Variants in MAP2K4 observed in about 807,000 individuals in gnomAD.
MAP2K4 encodes the protein mitogen-activated protein kinase kinase 4.
Under a neutral mutation model 48.5 loss-of-function variants are expected in MAP2K4, and 4 were observed. The observed-to-expected ratio is 0.08, with a 90% CI of 0.04 to 0.19. The LOEUF (loss-of-function observed/expected upper bound fraction) is 0.19, where lower values mean the gene tolerates loss of function less well. MAP2K4 is among the 10% of genes least tolerant of loss of function. The pLI, the probability that MAP2K4 is intolerant of heterozygous loss-of-function variation, is 1.00. For missense variants in MAP2K4, 258 were observed against 493.3 expected, an observed-to-expected ratio of 0.52 and a Z score of 4.52; for synonymous variants, 166 against 173.1, an observed-to-expected ratio of 0.96 and a Z score of 0.32.
At chr17:12,052,057 C>T (rs1970158617) in intron 1 of MAP2K4, among the ~76,000 whole-genome samples, 1 of 152,082 alleles carries the variant, frequency 6.6e-6, no homozygotes, top group Non-Finnish European at 1.5e-5. Context: ...CTCCTCAAAA[C>T]TGCCTTTCAA....
Position 12,081,581 on chromosome 17 carries a change from T to C in MAP2K4, c.393+51T>C. ...GTACTTTAATCCATTAGGTGAAATT[T>C]CATGGTGCAGTAATACCACTGTTGT... On this transcript the variant is annotated intron_variant, in intron 3 of 10. Coordinates refer to ENST00000353533, the MANE Select transcript of MAP2K4 (RefSeq NM_003010.4). This position sits in a 1 kb window ranked among gnomAD's most constrained non-coding sequence, Gnocchi z 4.2. 1 of 1,568,042 alleles carries C rather than the reference T, an allele frequency of 6.4e-7. No individual in the cohort carries two copies. The highest frequency in any genetic ancestry group is 8.7e-7 in the Non-Finnish European group (1 of 1,145,042).
intron 3 of MAP2K4, among the ~76,000 whole-genome samples, chr17:12,082,280 T>C (rs560698190): frequency 6.6e-6 from 1 of 152,310 alleles, no homozygotes; most frequent in East Asian, 1.9e-4. Flanking sequence ...TTTGTTTGTT[T>C]AGATGTTTAA....
chr17:12,116,438 TAATA>T lies in MAP2K4; in HGVS notation c.813+3082_813+3085del, dbSNP rs144746206. The stretch of plus-strand genomic sequence containing the variant: ...CATTTATAAAAATTTTTTTCTTCAG[TAATA>T]AATTAACCTGAGTGTACTGTAACTT... On this transcript the variant is annotated intron_variant, in intron 7 of 10. Transcript: ENST00000353533. Among the ~76,000 whole-genome samples, 1,039 of 152,284 alleles carry T rather than the reference TAATA, an allele frequency of 6.8e-3. 15 individuals are homozygous for T. The highest frequency in any genetic ancestry group is 0.024 in the African/African-American group (986 of 41,542).
At chr17:12,064,111 T>G (rs899220383) in intron 2 of MAP2K4, among the ~76,000 whole-genome samples, 3 of 152,054 alleles carry the variant, frequency 2.0e-5, no homozygotes, top group Admixed American at 6.5e-5. Flanking sequence ...GTATATATAA[T>G]AAACCAAAAC....
chr17:12,059,292 A>T (rs1224119805), intron 2 of MAP2K4, among the ~76,000 whole-genome samples: 2 of 152,180 alleles, frequency 1.3e-5, no homozygotes, highest in African/African-American at 4.8e-5. Context: ...AAACACTATA[A>T]ATCTTTTTGA....
chr17:12,112,331 C>T (rs187404349), intron 6 of MAP2K4, among the ~76,000 whole-genome samples: 149 of 152,068 alleles, frequency 9.8e-4, no homozygotes, highest in Non-Finnish European at 1.9e-3. Context: ...GGTGTGGTGG[C>T]GCATGCCTGT....
chr17:12,138,222 A>G (rs1357382762), intron 9 of MAP2K4, among the ~76,000 whole-genome samples: 1 of 150,734 alleles, frequency 6.6e-6, no homozygotes, highest in Non-Finnish European at 1.5e-5. Context: ...TGATCCTTGA[A>G]TGGTGTGGAG....
chr17:12,037,683 G>A (rs891706096), intron 1 of MAP2K4, among the ~76,000 whole-genome samples: 8 of 152,166 alleles, frequency 5.3e-5, no homozygotes, highest in East Asian at 1.9e-4. Context: ...AGGATTAGCC[G>A]TAAGCCAGAC....
intron 8 of MAP2K4, among the ~76,000 whole-genome samples, chr17:12,126,598 T>G (rs1179614816): frequency 3.3e-5 from 5 of 152,138 alleles, no homozygotes; most frequent in Non-Finnish European, 7.4e-5. Flanking sequence ...GGGCACTAAT[T>G]AGATTAATGA....
At chr17:12,043,548 C>A (rs1464349781) in intron 1 of MAP2K4, among the ~76,000 whole-genome samples, 2 of 152,020 alleles carry the variant, frequency 1.3e-5, no homozygotes, top group Non-Finnish European at 2.9e-5. Flanking sequence ...TTTGGGGGTT[C>A]CCATTATCAA....
intron 1 of MAP2K4, among the ~76,000 whole-genome samples, chr17:12,052,708 TCA>T (rs1177494096): frequency 5.9e-5 from 9 of 152,308 alleles, no homozygotes; most frequent in African/African-American, 2.2e-4. Flanking sequence ...TGACATATGC[TCA>T]GTTTTTGATT....
chr17:12,095,494 C>G lies in MAP2K4; in HGVS notation c.394-81C>G, dbSNP rs755372368. The G allele has an allele frequency of 5.3e-6, 8 of 1,513,652 alleles. No individual in the cohort carries two copies. In the South Asian group the frequency reaches 6.9e-5, roughly 13 times the overall value. The allele number at this position is 1,513,652 out of a possible 1,614,324, so 93.8% of individuals were successfully genotyped here. A position where few individuals can be genotyped will look rare whatever the true frequency, so the allele number is the denominator to read the frequency against. Reference sequence around the variant, plus strand: ...AATTTTTAGTCTCGTAACGGTTTTTCTCTACCATGAGACTAAAAATTATTG... The same window carrying G: ...AATTTTTAGTCTCGTAACGGTTTTTGTCTACCATGAGACTAAAAATTATTG... On this transcript the variant is annotated intron_variant, in intron 3 of 10. Coordinates refer to ENST00000353533, the MANE Select transcript of MAP2K4 (RefSeq NM_003010.4).
intron 3 of MAP2K4, among the ~76,000 whole-genome samples, chr17:12,087,084 T>G (rs1280804306): frequency 2.0e-5 from 3 of 152,080 alleles, no homozygotes; most frequent in Non-Finnish European, 4.4e-5. Context: ...TGACTTCAGG[T>G]GATCTGCCCG....
At chr17:12,096,336 A>T (rs1971757539) in intron 4 of MAP2K4, among the ~76,000 whole-genome samples, 2 of 152,062 alleles carry the variant, frequency 1.3e-5, no homozygotes, top group Admixed American at 1.3e-4. Flanking sequence ...TTGTGTCCCA[A>T]CTTGGGTTAT....
At chr17:12,048,679 G>A (rs1052398461) in intron 1 of MAP2K4, among the ~76,000 whole-genome samples, 4 of 151,512 alleles carry the variant, frequency 2.6e-5, no homozygotes, top group East Asian at 1.9e-4. Context: ...TTTTTGAGAC[G>A]CAGTTTCACT....
chr17:12,072,803 T>G (rs1282398454), intron 2 of MAP2K4, among the ~76,000 whole-genome samples: 1 of 152,224 alleles, frequency 6.6e-6, no homozygotes, highest in Middle Eastern at 3.2e-3. Context: ...TAAAATTGTT[T>G]TCCTTTTCTC....
chr17:12,135,273 G>T (rs1379664815), intron 9 of MAP2K4, among the ~76,000 whole-genome samples: 1 of 152,068 alleles, frequency 6.6e-6, no homozygotes, highest in East Asian at 1.9e-4. Flanking sequence ...TTTTAGTAGA[G>T]TTGGGGTTTC....
intron 3 of MAP2K4, 78 bp from the exon 4 acceptor site, chr17:12,095,497 T>C: frequency 2.0e-6 from 3 of 1,535,504 alleles, no homozygotes. Flanking sequence ...GGTTTTTCTC[T>C]ACCATGAGAC....
At chr17:12,112,813 CAATTT>C (rs1972348476) in intron 6 of MAP2K4, among the ~76,000 whole-genome samples, 1 of 152,136 alleles carries the variant, frequency 6.6e-6, no homozygotes, top group Non-Finnish European at 1.5e-5. Flanking sequence ...CTCTTGAAAA[CAATTT>C]AATGCCTAAA....
Sources: gnomAD v4.1 joint callset for allele counts (sites outside exome capture counted in the v4.1 genomes callset) on GRCh38, gnomAD v4.1.1 for gene constraint, Gnocchi (gnomAD v3.1) non-coding constraint, MANE v1.5 for transcripts, NCBI Gene and HGNC (gene_info 2026-07-23, HGNC 2026-07-21) for gene names.